The following DHRSX variants were observed in gnomAD, a reference collection of about 807,000 sequenced individuals.
DHRSX encodes dehydrogenase/reductase X-linked.
Under a neutral mutation model 34.0 loss-of-function variants are expected in DHRSX, and 31 were observed. The observed-to-expected ratio is 0.91, with a 90% CI of 0.69 to 1.23. The LOEUF (loss-of-function observed/expected upper bound fraction) is 1.23, where lower values mean the gene tolerates loss of function less well. DHRSX is among the 50% of genes most tolerant of loss of function. The pLI is 0.00. For synonymous variants in DHRSX, 201 were observed against 183.8 expected, an observed-to-expected ratio of 1.09 and a Z score of -0.76; for missense variants, 414 against 428.1, an observed-to-expected ratio of 0.97 and a Z score of 0.29.
chrX:2,455,718 G>A (rs1467988941), intron 1 of DHRSX, among the ~76,000 whole-genome samples: 2 of 136,160 alleles, frequency 1.5e-5, no homozygotes, highest in African/African-American at 5.6e-5. Flanking sequence ...TCCAGCCTTG[G>A]CGACAAGAAC....
intron 1 of DHRSX, among the ~76,000 whole-genome samples, chrX:2,432,077 C>T (rs28663393): frequency 0.18 from 26,840 of 151,832 alleles, 2,496 homozygotes; most frequent in Middle Eastern, 0.31. Flanking sequence ...ACCTGTAATC[C>T]CAGCGACTCG....
At chrX:2,452,964 A>G (rs760356134) in intron 1 of DHRSX, among the ~76,000 whole-genome samples, 2 of 152,334 alleles carry the variant, frequency 1.3e-5, no homozygotes, top group Admixed American at 1.3e-4. Flanking sequence ...AAGAGACGGA[A>G]TAAACCCATG....
intron 2 of DHRSX, among the ~76,000 whole-genome samples, chrX:2,409,726 T>A (rs1427282921): frequency 2.0e-5 from 3 of 151,526 alleles, no homozygotes; most frequent in Non-Finnish European, 4.4e-5. Flanking sequence ...TTTGTTTTGT[T>A]TTTTTGTTTT....
intron 1 of DHRSX, among the ~76,000 whole-genome samples, chrX:2,428,032 C>T (rs1777662120): frequency 6.6e-6 from 1 of 151,942 alleles, no homozygotes; most frequent in Admixed American, 6.6e-5. Context: ...ACATGTTATC[C>T]CTTATAAGCG....
At chrX:2,297,086 A>C (rs1490959919) in intron 3 of DHRSX, among the ~76,000 whole-genome samples, 1 of 151,942 alleles carries the variant, frequency 6.6e-6, no homozygotes, top group Non-Finnish European at 1.5e-5. Flanking sequence ...TCTTGGGAAT[A>C]TGCAAATGTT....
In DHRSX at chrX:2,423,572, G is replaced by C. The variant is rs746141734; in HGVS notation, c.217+1625C>G. The stretch of plus-strand genomic sequence containing the variant: ...ATGTCACTGCACTGCAGTCTGGGCT[G>C]ACAGAGTAGGATCCTGTCTGAAAAT... On this transcript the variant is annotated intron_variant, in intron 2 of 6. Coordinates refer to ENST00000334651, the MANE Select transcript of DHRSX (RefSeq NM_145177.3). Among the ~76,000 whole-genome samples, 23 of 152,260 alleles carry C rather than the reference G, an allele frequency of 1.5e-4. 1 individual carries two copies. The South Asian group carries it at 4.8e-3, about 32-fold the overall frequency.
intron 1 of DHRSX, among the ~76,000 whole-genome samples, chrX:2,465,755 G>A (rs925551715): frequency 2.9e-4 from 43 of 148,180 alleles, no homozygotes; most frequent in African/African-American, 1.1e-3. Context: ...GCTGCAGTGA[G>A]CCCAGATTCA....
chrX:2,457,270 A>G, intron 1 of DHRSX, among the ~76,000 whole-genome samples: 1 of 152,202 alleles, frequency 6.6e-6, no homozygotes, highest in Non-Finnish European at 1.5e-5. Flanking sequence ...GTAGGCACTG[A>G]AGACGTTCCC....
chrX:2,498,861 C>A (rs1479395972), intron 1 of DHRSX, among the ~76,000 whole-genome samples: 1 of 152,156 alleles, frequency 6.6e-6, no homozygotes, highest in Non-Finnish European at 1.5e-5. Flanking sequence ...CACCTTGCAA[C>A]TGATTACTTA....
Position 2,465,010 on chromosome X carries a change from C to T in DHRSX, c.109+35807G>A, listed in dbSNP as rs191217907. ...ACCCCCGCCATGTACACACTGAAGACGTTCCCTAAGAATGCAGTCACAGGA... is the reference window on the plus strand; with the variant it reads ...ACCCCCGCCATGTACACACTGAAGATGTTCCCTAAGAATGCAGTCACAGGA... On this transcript the variant is annotated intron_variant, in intron 1 of 6. Coordinates refer to ENST00000334651, the MANE Select transcript of DHRSX (RefSeq NM_145177.3). 1.5e-3 allele frequency among the ~76,000 whole-genome samples: 228 copies of T among 151,958 alleles called. 1 individual carries two copies. Among genetic ancestry groups the T allele is most frequent in the African/African-American group, 5.2e-3 (216 of 41,410 alleles).
intron 5 of DHRSX, among the ~76,000 whole-genome samples, chrX:2,253,056 C>T (rs1297948758): frequency 2.6e-5 from 4 of 152,352 alleles, no homozygotes; most frequent in Non-Finnish European, 4.4e-5. Context: ...TGTGGTAAAG[C>T]ACACCTGTAG....
In DHRSX at chrX:2,358,252, G is replaced by A. The variant is rs754168547; in HGVS notation, c.286+50493C>T. On this transcript the variant is annotated intron_variant, in intron 3 of 6. Coordinates refer to ENST00000334651, the MANE Select transcript of DHRSX (RefSeq NM_145177.3). ...ATGAGAGAAAGTATCTGCCAACTAT[G>A]CATCTGATAAAGGTTTAATATCCAG... Among the ~76,000 whole-genome samples, 7 of 152,178 alleles carry A rather than the reference G, an allele frequency of 4.6e-5. No homozygotes were observed. In the East Asian group the frequency reaches 1.4e-3, roughly 29 times the overall value.
chrX:2,320,964 G>A (rs763014493), intron 3 of DHRSX, among the ~76,000 whole-genome samples: 7 of 152,036 alleles, frequency 4.6e-5, no homozygotes, highest in East Asian at 1.9e-4. Flanking sequence ...CAGAGTGTTC[G>A]CAACATCCGG....
chrX:2,260,653 G>A (rs2041351817), intron 5 of DHRSX, among the ~76,000 whole-genome samples: 1 of 151,846 alleles, frequency 6.6e-6, no homozygotes, highest in Non-Finnish European at 1.5e-5. Context: ...TAGAGACAGG[G>A]TTTCATCATA....
rs2044894075 is a variant in DHRSX, at chrX:2,485,781, A to AAAGAAAGAAGGG, written c.109+15035_109+15036insCCCTTCTTTCTT. Among the ~76,000 whole-genome samples, 5 of 11,724 alleles carry AAAGAAAGAAGGG rather than the reference A, an allele frequency of 4.3e-4. No homozygotes were observed. The South Asian group carries it at 0.028, about 67-fold the overall frequency. 7.7% of individuals were successfully genotyped at this position (11,724 alleles called of 152,430 possible). A position where few individuals can be genotyped will look rare whatever the true frequency, so the allele number is the denominator to read the frequency against. On this transcript the variant is annotated intron_variant, in intron 1 of 6. Coordinates refer to ENST00000334651, the MANE Select transcript of DHRSX (RefSeq NM_145177.3). ...AAGGGAGAGAAGGAAGGAAGGGAGAAAAGGGAGAGAAGGGAGAGAAGGAAG... is the reference window on the plus strand; with the variant it reads ...AAGGGAGAGAAGGAAGGAAGGGAGAAAAGAAAGAAGGGAAGGGAGAGAAGGGAGAGAAGGAAG...
chrX:2,221,902 G>A (rs1172758640), intron 6 of DHRSX, among the ~76,000 whole-genome samples: 1 of 152,174 alleles, frequency 6.6e-6, no homozygotes, highest in Non-Finnish European at 1.5e-5. Flanking sequence ...AGAGGAATTA[G>A]AAGTTGTGGG....
intron 3 of DHRSX, among the ~76,000 whole-genome samples, chrX:2,333,701 C>G (rs1335011194): frequency 6.6e-6 from 1 of 152,118 alleles, no homozygotes; most frequent in African/African-American, 2.4e-5. Context: ...GTGTGAGCCA[C>G]TGCGCCCGGC....
At position 2,457,640 on chromosome X, in the gene DHRSX, G is replaced by T. The variant is rs189465466; in HGVS notation, c.110-32336C>A. ...CCCCTAAGAATGCCGCAAAAGAACC[G>T]CCACCGTGGACATGCTGAAGATGGT... On this transcript the variant is annotated intron_variant, in intron 1 of 6. Transcript: ENST00000334651. Among the ~76,000 whole-genome samples, 14 of 150,386 alleles carry T rather than the reference G, an allele frequency of 9.3e-5. No individual in the cohort carries two copies. In the East Asian group the frequency reaches 2.8e-3, roughly 30 times the overall value.
chrX:2,252,543 G>A (rs2016457208), intron 5 of DHRSX, among the ~76,000 whole-genome samples: 1 of 152,140 alleles, frequency 6.6e-6, no homozygotes, highest in African/African-American at 2.4e-5. Flanking sequence ...ATGGGTAAGA[G>A]GAATGGTTAC....
Sources: gnomAD v4.1 joint callset for allele counts (sites outside exome capture counted in the v4.1 genomes callset) on GRCh38, gnomAD v4.1.1 for gene constraint, MANE v1.5 for transcripts, NCBI Gene and HGNC (gene_info 2026-07-23, HGNC 2026-07-21) for gene names.